Variants in BLTP1 observed in about 807,000 individuals in gnomAD.
BLTP1 encodes the protein bridge-like lipid transfer protein family member 1.
chr4:122,243,732 G>A, the BLTP1 span: 3 of 1,176,298 alleles, frequency 2.6e-6, no homozygotes, highest in Non-Finnish European at 3.3e-6. Context: ...AAAAAAAAAA[G>A]TCAAGTCCAA....
the BLTP1 span, among the ~76,000 whole-genome samples, chr4:122,230,653 A>C: frequency 6.6e-6 from 1 of 152,186 alleles, no homozygotes; most frequent in Admixed American, 6.5e-5. Flanking sequence ...AAGAGTACTC[A>C]GGCCTATTTC....
chr4:122,227,557 A>G, the BLTP1 span: 2 of 790,098 alleles, frequency 2.5e-6, no homozygotes, highest in Non-Finnish European at 3.1e-6. Flanking sequence ...CACAGTGGTT[A>G]ACAACTTAGT....
the BLTP1 span, among the ~76,000 whole-genome samples, chr4:122,296,358 A>G: frequency 6.6e-6 from 1 of 152,332 alleles, no homozygotes; most frequent in Middle Eastern, 3.4e-3. Flanking sequence ...TACAGCTAAC[A>G]ATGGAAGTGA....
the BLTP1 span, chr4:122,186,072 A>G: frequency 3.7e-6 from 6 of 1,604,162 alleles, no homozygotes; most frequent in South Asian, 2.2e-5. Context: ...ATCACAGTCA[A>G]TGACTTTGAA....
the BLTP1 span, chr4:122,339,402 A>C: frequency 1.4e-5 from 23 of 1,610,714 alleles, no homozygotes; most frequent in Admixed American, 2.8e-4. Flanking sequence ...CAAAACTGGA[A>C]TACCAGGTAT....
chr4:122,282,526 C>T, the BLTP1 span, among the ~76,000 whole-genome samples: 1 of 152,110 alleles, frequency 6.6e-6, no homozygotes, highest in East Asian at 1.9e-4. Flanking sequence ...CCTGTAATCC[C>T]AGCTACTCAG....
At chr4:122,260,842 T>A in the BLTP1 span, among the ~76,000 whole-genome samples, 2 of 152,140 alleles carry the variant, frequency 1.3e-5, no homozygotes, top group African/African-American at 4.8e-5. Context: ...ATTAGAGGAC[T>A]AATAAACTAG....
At chr4:122,243,916 A>G in the BLTP1 span, 1 of 1,610,174 alleles carries the variant, frequency 6.2e-7, no homozygotes, top group Non-Finnish European at 8.5e-7. Flanking sequence ...ACATTAACAG[A>G]AGAGTGGACC....
chr4:122,169,052 A>G, the BLTP1 span, among the ~76,000 whole-genome samples: 1 of 152,086 alleles, frequency 6.6e-6, no homozygotes, highest in Non-Finnish European at 1.5e-5. Flanking sequence ...GGCTCAAGCA[A>G]TCCTCCTGCC....
the BLTP1 span, chr4:122,208,985 T>TAAAAAA: frequency 2.8e-6 from 1 of 362,108 alleles, no homozygotes; most frequent in Non-Finnish European, 3.6e-6. Context: ...GTGAGACCAT[T>TAAAAAA]AAAAAAAAAA....
the BLTP1 span, chr4:122,184,660 A>G: frequency 1.0e-6 from 1 of 984,580 alleles, no homozygotes; most frequent in East Asian, 1.1e-4. Flanking sequence ...CAAAAAACAA[A>G]AAACATTCAT....
At chr4:122,163,216 GA>G in the BLTP1 span, among the ~76,000 whole-genome samples, 1 of 152,176 alleles carries the variant, frequency 6.6e-6, no homozygotes, top group East Asian at 1.9e-4. Flanking sequence ...TAGAAGTGGG[GA>G]AGGAAGAAAA....
the BLTP1 span, chr4:122,318,039 T>C: frequency 1.7e-6 from 2 of 1,200,724 alleles, no homozygotes; most frequent in Non-Finnish European, 2.3e-6. Flanking sequence ...GGCTTGTCTG[T>C]ATATAATCAT....
chr4:122,286,736 C>T, the BLTP1 span: 7 of 1,613,922 alleles, frequency 4.3e-6, no homozygotes, highest in Non-Finnish European at 5.9e-6. Context: ...GAACTGCCTT[C>T]TAAACAAGGT....
the BLTP1 span, chr4:122,304,651 A>G: frequency 7.2e-7 from 1 of 1,388,400 alleles, no homozygotes; most frequent in South Asian, 1.6e-5. Flanking sequence ...ATGGTCTGGA[A>G]CCAAACCCAT....
At chr4:122,194,710 C>G in the BLTP1 span, 1 of 838,498 alleles carries the variant, frequency 1.2e-6, no homozygotes, top group African/African-American at 1.8e-5. Flanking sequence ...TCTTCTTAAA[C>G]TGTATTTAAT....
the BLTP1 span, chr4:122,152,950 C>T: frequency 4.1e-6 from 4 of 976,562 alleles, no homozygotes; most frequent in Non-Finnish European, 4.9e-6. Flanking sequence ...GTAGTAGACC[C>T]CATGCTGCTT....
chr4:122,173,187 T>G, the BLTP1 span: 1 of 1,596,744 alleles, frequency 6.3e-7, no homozygotes, highest in Non-Finnish European at 8.5e-7. Flanking sequence ...TTTTTCTTCC[T>G]TATAATCTTG....
chr4:122,183,401 A>G, the BLTP1 span: 11 of 980,870 alleles, frequency 1.1e-5, no homozygotes, highest in African/African-American at 3.5e-5. Flanking sequence ...TTCTAGAATC[A>G]GAGAATTTCT....
Sources: gnomAD v4.1 joint callset for allele counts (sites outside exome capture counted in the v4.1 genomes callset) on GRCh38, gnomAD v4.1.1 for gene constraint, MANE v1.5 for transcripts, NCBI Gene and HGNC (gene_info 2026-07-23, HGNC 2026-07-21) for gene names.